Variants in SIPA1L1 observed in about 807,000 individuals in gnomAD.
The protein encoded by SIPA1L1 is signal induced proliferation associated 1 like 1, also known as signal-induced proliferation-associated 1-like protein 1.
SIPA1L1 carries 26 observed loss-of-function variants against 162.7 expected under a neutral mutation model. That is an observed-to-expected ratio of 0.16 (90% CI 0.12 to 0.22). The LOEUF (loss-of-function observed/expected upper bound fraction) is 0.22. SIPA1L1 is among the 10% of genes least tolerant of loss of function. The probability of loss-of-function intolerance (pLI) is 1.00; values close to 1 mark genes in which losing one functional copy is unlikely to be tolerated. For missense variants in SIPA1L1, 1,874 were observed against 2,241.0 expected (o/e 0.84, Z 3.31); for synonymous variants, 829 against 837.4 (o/e 0.99, Z 0.17).
intron 3 of SIPA1L1, among the ~76,000 whole-genome samples, chr14:71,524,261 A>G (rs1028949687): frequency 1.3e-5 from 2 of 152,156 alleles, no homozygotes; most frequent in African/African-American, 2.4e-5. Context: ...AGTGTCTATT[A>G]TAGTCAAGAT....
chr14:71,702,823 A>G (rs28641082), intron 15 of SIPA1L1, among the ~76,000 whole-genome samples: 322 of 152,294 alleles, frequency 2.1e-3, no homozygotes, highest in African/African-American at 7.5e-3. Context: ...AAGTGCCTTG[A>G]GAGATTGCTT....
intron 4 of SIPA1L1, among the ~76,000 whole-genome samples, chr14:71,570,699 A>T (rs1013654562): frequency 6.6e-6 from 1 of 152,242 alleles, no homozygotes; most frequent in Non-Finnish European, 1.5e-5. Context: ...GGAATATAAG[A>T]TACTGAAGAT....
chr14:71,711,519 A>T (rs980785015), intron 17 of SIPA1L1, among the ~76,000 whole-genome samples: 11 of 152,218 alleles, frequency 7.2e-5, no homozygotes, highest in Non-Finnish European at 1.2e-4. Context: ...CCATCTGAAA[A>T]TATTTCTCTG....
At chr14:71,420,876 T>C (rs2043142998) in intron 2 of SIPA1L1, among the ~76,000 whole-genome samples, 1 of 152,366 alleles carries the variant, frequency 6.6e-6, no homozygotes, top group East Asian at 1.9e-4. Context: ...TAGCTAGTCG[T>C]GTAAGCCCTA....
At chr14:71,626,773 A>G (rs1320133801) in intron 7 of SIPA1L1, among the ~76,000 whole-genome samples, 1 of 152,110 alleles carries the variant, frequency 6.6e-6, no homozygotes, top group Non-Finnish European at 1.5e-5. Flanking sequence ...GATTCTTTTA[A>G]TATATTTTAT....
intron 4 of SIPA1L1, among the ~76,000 whole-genome samples, chr14:71,563,634 A>T (rs1372669914): frequency 2.0e-5 from 3 of 152,066 alleles, no homozygotes; most frequent in African/African-American, 7.2e-5. Flanking sequence ...TCTCAATCCT[A>T]TTATTATTCT....
chr14:71,349,709 A>G (rs1199507986), intron 2 of SIPA1L1, among the ~76,000 whole-genome samples: 1 of 152,176 alleles, frequency 6.6e-6, no homozygotes, highest in Non-Finnish European at 1.5e-5. Flanking sequence ...TGGGTTTCTA[A>G]TTCCTGTGGG....
chr14:71,402,523 A>G (rs1330297422), intron 2 of SIPA1L1, among the ~76,000 whole-genome samples: 1 of 151,838 alleles, frequency 6.6e-6, no homozygotes, highest in Non-Finnish European at 1.5e-5. Flanking sequence ...CAATTTTTGT[A>G]TTTTTAGTAG....
intron 2 of SIPA1L1, chr14:71,418,328 C>T (rs936061719): frequency 1.3e-5 from 2 of 152,004 alleles, no homozygotes; most frequent in Non-Finnish European, 2.9e-5. Flanking sequence ...ATAATGGTAC[C>T]ATGTTGCCCA....
rs894764818 is a variant in SIPA1L1 at position 71,502,827 on chromosome 14, T to C, written c.-464-9916T>C. On this transcript the variant is annotated intron_variant, in intron 2 of 23. Coordinates refer to ENST00000381232, the MANE Select transcript of SIPA1L1 (RefSeq NM_001386936.1). ...CCACATGTTAATGAAGTTCTTTATG[T>C]TTCTTTCCCTGTTATACTCTGATTT... Among the ~76,000 whole-genome samples, 5 of 152,186 alleles carry C rather than the reference T, an allele frequency of 3.3e-5. No individual in the cohort carries two copies. In the East Asian group the frequency reaches 9.6e-4, roughly 29 times the overall value.
intron 7 of SIPA1L1, 113 bp downstream of exon 7, chr14:71,624,349 G>A: frequency 3.4e-6 from 3 of 872,456 alleles, no homozygotes; most frequent in South Asian, 4.4e-5. Flanking sequence ...TTTTTATTGT[G>A]AAAGACACTC....
intron 5 of SIPA1L1, among the ~76,000 whole-genome samples, chr14:71,616,945 T>C (rs1392596226): frequency 6.6e-6 from 1 of 152,168 alleles, no homozygotes; most frequent in Non-Finnish European, 1.5e-5. Flanking sequence ...TGGGGTGTAC[T>C]TGAGGGGTTC....
chr14:71,712,345 T>C (rs1214502520), intron 17 of SIPA1L1, among the ~76,000 whole-genome samples: 1 of 152,220 alleles, frequency 6.6e-6, no homozygotes, highest in Non-Finnish European at 1.5e-5. Flanking sequence ...TTGAATGTCA[T>C]TAAAAGAAGC....
intron 2 of SIPA1L1, among the ~76,000 whole-genome samples, chr14:71,417,387 C>T (rs531408158): frequency 1.1e-4 from 15 of 132,626 alleles, no homozygotes; most frequent in African/African-American, 3.6e-4. Context: ...AGGAGAATGG[C>T]GTGAACCCCA....
intron 2 of SIPA1L1, among the ~76,000 whole-genome samples, chr14:71,449,213 G>A (rs1042186010): frequency 3.9e-5 from 6 of 152,178 alleles, no homozygotes; most frequent in Admixed American, 3.3e-4. Context: ...GTTTGCCAAG[G>A]CCCTGTTGTA....
At chr14:71,337,925 A>G (rs2035261404) in intron 2 of SIPA1L1, among the ~76,000 whole-genome samples, 1 of 152,204 alleles carries the variant, frequency 6.6e-6, no homozygotes, top group African/African-American at 2.4e-5. Context: ...CAGCCTGGGC[A>G]GCAGAGTGAG....
chr14:71,628,151 G>A lies in SIPA1L1; in HGVS notation c.1818+3915G>A, dbSNP rs190034233. On this transcript the variant is annotated intron_variant, in intron 7 of 23. Transcript: ENST00000381232. ...AATAAATAATTTAAAAAACTACACT[G>A]TGAAGTATTAGGAATTTTGTTATTT... 2.0e-5 allele frequency among the ~76,000 whole-genome samples: 3 copies of A among 152,244 alleles called. No individual in the cohort carries two copies. In the East Asian group the frequency reaches 5.8e-4, roughly 29 times the overall value.
chr14:71,595,675 T>C (rs1254246723), intron 5 of SIPA1L1, among the ~76,000 whole-genome samples: 1 of 152,236 alleles, frequency 6.6e-6, no homozygotes, highest in Admixed American at 6.5e-5. Flanking sequence ...CACCAGCTGT[T>C]AATCTGCCTC....
chr14:71,407,823 G>T (rs1390682872), intron 2 of SIPA1L1, among the ~76,000 whole-genome samples: 1 of 152,106 alleles, frequency 6.6e-6, no homozygotes, highest in African/African-American at 2.4e-5. Flanking sequence ...TTTTAGAAAG[G>T]ACAGGTTGAC....
Sources: gnomAD v4.1 joint callset for allele counts (sites outside exome capture counted in the v4.1 genomes callset) on GRCh38, gnomAD v4.1.1 for gene constraint, MANE v1.5 for transcripts, NCBI Gene and HGNC (gene_info 2026-07-23, HGNC 2026-07-21) for gene names.